Variants in DPP10 observed in about 807,000 individuals in gnomAD.
DPP10 encodes inactive dipeptidyl peptidase 10.
DPP10 carries 33 observed loss-of-function variants against 120.9 expected under a neutral mutation model. The ratio of observed to expected loss-of-function variants is 0.27; its 90% CI spans 0.21 to 0.37. The LOEUF is 0.37. Among genes scored for constraint, DPP10 ranks in the 10% least tolerant of loss-of-function variants. The pLI is 1.00. For missense variants in DPP10, 816 were observed against 942.8 expected (o/e 0.87, Z 1.76); for synonymous variants, 337 against 326.1 (o/e 1.03, Z -0.36).
At chr2:115,048,290 AT>A (rs1302047211) in intron 1 of DPP10, among the ~76,000 whole-genome samples, 4 of 151,726 alleles carry the variant, frequency 2.6e-5, no homozygotes, top group Admixed American at 2.0e-4. Context: ...ATTTTCCCCA[AT>A]CTAATAAATC....
intron 1 of DPP10, among the ~76,000 whole-genome samples, chr2:114,901,127 T>G (rs1693529336): frequency 6.6e-6 from 1 of 152,122 alleles, no homozygotes; most frequent in South Asian, 2.1e-4. Flanking sequence ...TTACAAAAAG[T>G]CTATGGAAAA....
At chr2:115,350,948 A>G (rs573999004) in intron 3 of DPP10, among the ~76,000 whole-genome samples, 8 of 152,236 alleles carry the variant, frequency 5.3e-5, no homozygotes, top group South Asian at 2.1e-4. Context: ...TTCAGCCACT[A>G]TGGAAGGCAG....
At chr2:114,466,120 A>C (rs1357520301) in intron 1 of DPP10, among the ~76,000 whole-genome samples, 1 of 152,210 alleles carries the variant, frequency 6.6e-6, no homozygotes, top group Non-Finnish European at 1.5e-5. Context: ...TGCAATTCTA[A>C]TTAAAAATCC....
At chr2:115,132,714 C>A (rs780658509) in intron 1 of DPP10, among the ~76,000 whole-genome samples, 24 of 151,938 alleles carry the variant, frequency 1.6e-4, no homozygotes, top group Non-Finnish European at 8.8e-5. Flanking sequence ...TCAGGTCTTT[C>A]TAGGGTCCCC....
At chr2:115,004,080 T>G (rs2105025542) in intron 1 of DPP10, among the ~76,000 whole-genome samples, 1 of 152,264 alleles carries the variant, frequency 6.6e-6, no homozygotes, top group Admixed American at 6.5e-5. Flanking sequence ...GGTATAAAAC[T>G]TAGCAAGGTC....
At chr2:115,034,646 C>A (rs1704093501) in intron 1 of DPP10, among the ~76,000 whole-genome samples, 1 of 152,110 alleles carries the variant, frequency 6.6e-6, no homozygotes, top group African/African-American at 2.4e-5. Flanking sequence ...TAGAAAAGAC[C>A]CTGCACATTA....
chr2:115,481,225 T>TG (rs2075407965), intron 3 of DPP10, among the ~76,000 whole-genome samples: 1 of 152,140 alleles, frequency 6.6e-6, no homozygotes, highest in Non-Finnish European at 1.5e-5. Context: ...TTCAACATAC[T>TG]ACTGTGGGTC....
intron 1 of DPP10, among the ~76,000 whole-genome samples, chr2:114,951,310 T>C (rs972523090): frequency 5.9e-5 from 9 of 152,210 alleles, no homozygotes; most frequent in African/African-American, 2.2e-4. Flanking sequence ...CATACTATTG[T>C]CATGTTTATT....
chr2:115,310,207 A>G (rs1232849339), intron 2 of DPP10, among the ~76,000 whole-genome samples: 1 of 152,186 alleles, frequency 6.6e-6, no homozygotes, highest in Non-Finnish European at 1.5e-5. Flanking sequence ...CCAAAAATCA[A>G]CTGATATTTT....
At chr2:114,543,604 A>C (rs139033499) in intron 1 of DPP10, among the ~76,000 whole-genome samples, 3 of 152,178 alleles carry the variant, frequency 2.0e-5, no homozygotes, top group Admixed American at 6.5e-5. Flanking sequence ...GCAGGAAGCC[A>C]ACAAAAGATA....
At chr2:114,893,525 G>A (rs966954986) in intron 1 of DPP10, among the ~76,000 whole-genome samples, 1 of 152,082 alleles carries the variant, frequency 6.6e-6, no homozygotes, top group African/African-American at 2.4e-5. Flanking sequence ...ATACCAAGGG[G>A]AAGAGAACCA....
intron 1 of DPP10, among the ~76,000 whole-genome samples, chr2:114,484,472 A>G (rs1379602718): frequency 1.3e-5 from 2 of 152,182 alleles, no homozygotes; most frequent in African/African-American, 2.4e-5. Flanking sequence ...AACAGCAAGT[A>G]AAAACATACT....
intron 1 of DPP10, among the ~76,000 whole-genome samples, chr2:114,898,269 A>G (rs1693217259): frequency 6.7e-6 from 1 of 149,484 alleles, no homozygotes; most frequent in Non-Finnish European, 1.5e-5. Context: ...AACACTGCAT[A>G]TTCTCACTCG....
chr2:114,904,409 A>G (rs1236895799), intron 1 of DPP10, among the ~76,000 whole-genome samples: 1 of 152,222 alleles, frequency 6.6e-6, no homozygotes, highest in East Asian at 1.9e-4. Flanking sequence ...GAAATCAAAT[A>G]CTTAGCTTAG....
At chr2:115,816,865 T>G (rs1162920410) in intron 21 of DPP10, among the ~76,000 whole-genome samples, 1 of 150,302 alleles carries the variant, frequency 6.7e-6, no homozygotes, top group Non-Finnish European at 1.5e-5. Flanking sequence ...TCCGCCTGCC[T>G]TGGCCTCCCA....
chr2:115,478,598 C>T (rs2075237470), intron 3 of DPP10, among the ~76,000 whole-genome samples: 1 of 152,058 alleles, frequency 6.6e-6, no homozygotes, highest in Non-Finnish European at 1.5e-5. Context: ...AAGACATCAT[C>T]CACAGAGCCA....
chr2:115,627,373 C>A (rs1329310965), intron 5 of DPP10, among the ~76,000 whole-genome samples: 1 of 152,044 alleles, frequency 6.6e-6, no homozygotes. Flanking sequence ...GGAGAGCACC[C>A]CATGCCACAG....
At chr2:114,853,491 C>T (rs1689132213) in intron 1 of DPP10, among the ~76,000 whole-genome samples, 1 of 151,776 alleles carries the variant, frequency 6.6e-6, no homozygotes, top group South Asian at 2.1e-4. Context: ...TCACCCATGG[C>T]CCATGCACTA....
chr2:114,670,244 A>C (rs974560198), intron 1 of DPP10, among the ~76,000 whole-genome samples: 2 of 152,180 alleles, frequency 1.3e-5, no homozygotes, highest in African/African-American at 2.4e-5. Context: ...GGCACTATTC[A>C]CAATAGCAAA....
Sources: allele counts gnomAD v4.1 joint callset (sites outside exome capture counted in the v4.1 genomes callset), GRCh38; gene constraint gnomAD v4.1.1; transcripts MANE v1.5; gene names NCBI Gene and HGNC (gene_info 2026-07-23, HGNC 2026-07-21).